The following RFX6 variants were observed in gnomAD, a reference collection of about 807,000 sequenced individuals.
The protein encoded by RFX6 is regulatory factor X6, also known as DNA-binding protein RFX6.
Under a neutral mutation model 110.8 loss-of-function variants are expected in RFX6, and 50 were observed. The ratio of observed to expected loss-of-function variants is 0.45; its 90% CI spans 0.36 to 0.57. The LOEUF is 0.57. RFX6 is among the 20% of genes least tolerant of loss of function. RFX6 has a pLI of 0.00. For synonymous variants in RFX6, 383 were observed against 411.2 expected, an observed-to-expected ratio of 0.93 and a Z score of 0.83; for missense variants, 990 against 1,127.0, an observed-to-expected ratio of 0.88 and a Z score of 1.74.
intron 7 of RFX6, among the ~76,000 whole-genome samples, chr6:116,912,973 C>T (rs1366925646): frequency 6.6e-6 from 1 of 152,156 alleles, no homozygotes; most frequent in Admixed American, 6.5e-5. Flanking sequence ...TTAGCTCTGT[C>T]ACCTTCCTTG....
At chr6:116,894,432 G>A (rs904652404) in intron 5 of RFX6, among the ~76,000 whole-genome samples, 1 of 152,124 alleles carries the variant, frequency 6.6e-6, no homozygotes, top group African/African-American at 2.4e-5. Flanking sequence ...CTGTTTTAAA[G>A]ATCTATGTGC....
intron 9 of RFX6, among the ~76,000 whole-genome samples, chr6:116,916,897 T>G (rs1775480605): frequency 6.6e-6 from 1 of 152,144 alleles, no homozygotes; most frequent in Non-Finnish European, 1.5e-5. Context: ...CCCTGGTGGC[T>G]ACAAGTTCTA....
intron 8 of RFX6, 42 bp downstream of exon 8, chr6:116,916,127 T>C (rs1485246668): frequency 4.5e-6 from 7 of 1,547,596 alleles, no homozygotes; most frequent in East Asian, 2.2e-5. Flanking sequence ...CTATTATATA[T>C]ACTTTCATGT....
At chr6:116,913,282 G>A (rs998144181) in intron 7 of RFX6, among the ~76,000 whole-genome samples, 3 of 151,974 alleles carry the variant, frequency 2.0e-5, no homozygotes, top group African/African-American at 4.8e-5. Flanking sequence ...GGCTTGTCTC[G>A]AACTCCTGAC....
At chr6:116,891,804 G>A (rs931867982) in intron 4 of RFX6, among the ~76,000 whole-genome samples, 1 of 152,048 alleles carries the variant, frequency 6.6e-6, no homozygotes, top group Non-Finnish European at 1.5e-5. Flanking sequence ...ACTTAAGTAA[G>A]CTTCTTTCTT....
intron 3 of RFX6, 30 bp downstream of exon 3, chr6:116,880,697 T>C: frequency 6.2e-7 from 1 of 1,611,592 alleles, no homozygotes; most frequent in South Asian, 1.1e-5. Flanking sequence ...TATAGTGACT[T>C]ATAACTAAAG....
intron 7 of RFX6, among the ~76,000 whole-genome samples, chr6:116,911,841 C>T (rs1775358674): frequency 6.6e-6 from 1 of 152,022 alleles, no homozygotes; most frequent in African/African-American, 2.4e-5. Flanking sequence ...GATTAATGTC[C>T]AGATGCTTTA....
intron 15 of RFX6, 75 bp from the exon 16 acceptor site, chr6:116,925,378 T>C (rs1395590978): frequency 4.2e-6 from 5 of 1,180,766 alleles, no homozygotes; most frequent in Non-Finnish European, 3.8e-6. Flanking sequence ...CATTTTCATT[T>C]TCTTTTTACT....
chr6:116,909,733 A>ATTTTTTTTTT (rs1406020359), intron 6 of RFX6, among the ~76,000 whole-genome samples: 7 of 127,340 alleles, frequency 5.5e-5, no homozygotes, highest in African/African-American at 2.3e-4. Flanking sequence ...GCTCATTTAA[A>ATTTTTTTTTT]TCTTTTTTTT....
intron 6 of RFX6, among the ~76,000 whole-genome samples, chr6:116,903,234 A>G (rs1212344218): frequency 6.6e-6 from 1 of 152,090 alleles, no homozygotes. Flanking sequence ...GTTAACATCC[A>G]AAACAAAATT....
In RFX6 at chr6:116,923,186, T is replaced by G; in HGVS notation, c.1517T>G (p.Val506Gly). 1 of 1,592,934 alleles carries G rather than the reference T, an allele frequency of 6.3e-7. No individual in the cohort carries two copies. Among genetic ancestry groups the G allele is most frequent in the Non-Finnish European group, 8.6e-7 (1 of 1,160,896 alleles). The change falls in exon 14 of 19, where the codon GTA becomes GGA. Residue 506 changes from valine (V) to glycine (G), a missense_variant. Transcript: ENST00000332958. ...AAGTGGAGTTTTTTTGGTGCTCGAGTAATGCATAATCTCACCTTGAACAAT... is the reference window on the plus strand; with the variant it reads ...AAGTGGAGTTTTTTTGGTGCTCGAGGAATGCATAATCTCACCTTGAACAAT... Reference protein sequence around the residue: ...LLKWSFFGARVMHNLTLNNAS... With the variant: ...LLKWSFFGARGMHNLTLNNAS...
intron 5 of RFX6, 117 bp from the exon 6 acceptor site, chr6:116,895,063 C>A: frequency 1.8e-6 from 1 of 562,492 alleles, no homozygotes; most frequent in Non-Finnish European, 3.3e-6. Context: ...CAAATTTCTC[C>A]AGCTTATTTC....
intron 9 of RFX6, among the ~76,000 whole-genome samples, chr6:116,916,734 G>A (rs1582531022): frequency 1.3e-5 from 2 of 151,992 alleles, no homozygotes; most frequent in Non-Finnish European, 2.9e-5. Context: ...TAACTTTAAT[G>A]CATTAATGTC....
In RFX6 at chr6:116,928,936, C is replaced by G. The variant is rs1457481480; in HGVS notation, c.2576C>G (p.Thr859Arg). Residue 859 changes from threonine (T) to arginine (R), a missense_variant, in exon 18 of 19, where the codon ACA becomes AGA. Coordinates refer to ENST00000332958, the MANE Select transcript of RFX6 (RefSeq NM_173560.4). ...RKQTSSFYTD[T>R]SSPVACRTPV... is the part of the protein sequence containing the mutation. ...CAGACCAGCTCGTTTTACACAGACA[C>G]ATCATCTCCAGTTGCATGTCGAACT... The G allele has an allele frequency of 6.2e-7, 1 of 1,612,610 alleles. No homozygotes were observed. Among genetic ancestry groups the G allele is most frequent in the Non-Finnish European group, 8.5e-7 (1 of 1,178,708 alleles).
chr6:116,929,867 T>A (rs1775843767), intron 18 of RFX6, among the ~76,000 whole-genome samples: 1 of 152,178 alleles, frequency 6.6e-6, no homozygotes, highest in Non-Finnish European at 1.5e-5. Flanking sequence ...CTCTCCTCAC[T>A]CAGTGTACCT....
chr6:116,917,476 T>A (rs1775493986), intron 9 of RFX6, among the ~76,000 whole-genome samples: 1 of 152,044 alleles, frequency 6.6e-6, no homozygotes, highest in Non-Finnish European at 1.5e-5. Context: ...TGAGTGAGTA[T>A]AAGAAAAGAC....
chr6:116,916,400 AAT>A (rs1337654004), intron 9 of RFX6, 86 bp downstream of exon 9: 1 of 872,132 alleles, frequency 1.1e-6, no homozygotes, highest in Non-Finnish European at 1.9e-6. Context: ...ATTTTCAGTA[AAT>A]ATGTTATTTA....
At chr6:116,905,032 T>C (rs1262334308) in intron 6 of RFX6, among the ~76,000 whole-genome samples, 1 of 152,248 alleles carries the variant, frequency 6.6e-6, no homozygotes, top group African/African-American at 2.4e-5. Flanking sequence ...TTTGGGTATA[T>C]ACCCAGAAGC....
chr6:116,931,548 C>G lies in RFX6; in HGVS notation c.*42C>G. 7.3e-7 allele frequency: 1 copy of G among 1,370,184 alleles called. No individual in the cohort carries two copies. Among genetic ancestry groups the G allele is most frequent in the South Asian group, 1.2e-5 (1 of 83,492 alleles). 84.9% of individuals were successfully genotyped at this position (1,370,184 alleles called of 1,614,324 possible). ...GGGGTGCTAAAACTTTAAAAAAAAT[C>G]TCTACTGTGCAAATATCATTATTCA... is the stretch of plus-strand genomic sequence containing the variant. On this transcript the variant is annotated 3_prime_UTR_variant, in exon 19 of 19. Transcript: ENST00000332958.
Sources: gnomAD v4.1 joint callset for allele counts (sites outside exome capture counted in the v4.1 genomes callset) on GRCh38, gnomAD v4.1.1 for gene constraint, MANE v1.5 for transcripts, NCBI Gene and HGNC (gene_info 2026-07-23, HGNC 2026-07-21) for gene names.